TLCD4: variants seen among roughly 807,000 people sequenced by gnomAD.
TLCD4 encodes the protein TLC domain-containing protein 4.
Under a neutral mutation model 24.2 loss-of-function variants are expected in TLCD4, and 7 were observed. That is an observed-to-expected ratio of 0.29 (90% CI 0.16 to 0.54). The LOEUF (loss-of-function observed/expected upper bound fraction) is 0.54. TLCD4 is among the 20% of genes least tolerant of loss of function. The probability of loss-of-function intolerance (pLI) is 0.95; values close to 1 mark genes in which losing one functional copy is unlikely to be tolerated. For synonymous variants in TLCD4, 103 were observed against 106.4 expected, an observed-to-expected ratio of 0.97 and a Z score of 0.20; for missense variants, 259 against 313.9, an observed-to-expected ratio of 0.82 and a Z score of 1.32.
At chr1:95,134,266 C>T (rs1293461898) in intron 1 of TLCD4, among the ~76,000 whole-genome samples, 2 of 152,016 alleles carry the variant, frequency 1.3e-5, no homozygotes, top group Admixed American at 6.6e-5. Flanking sequence ...TGAGCCAGGG[C>T]TAATGTCTTT....
chr1:95,172,678 C>A (rs1271369534), intron 5 of TLCD4, among the ~76,000 whole-genome samples: 2 of 152,064 alleles, frequency 1.3e-5, no homozygotes, highest in South Asian at 2.1e-4. Flanking sequence ...AATTTTGAAT[C>A]CCTAAAATAA....
chr1:95,151,261 T>C (rs1033379201), intron 4 of TLCD4, 64 bp from the exon 5 acceptor site: 2 of 1,540,384 alleles, frequency 1.3e-6, no homozygotes, highest in Non-Finnish European at 8.9e-7. Flanking sequence ...AAGAGTTCAA[T>C]ACATTTGAAA....
At chr1:95,138,923 C>T (rs1352537988) in intron 1 of TLCD4, among the ~76,000 whole-genome samples, 3 of 150,500 alleles carry the variant, frequency 2.0e-5, no homozygotes. Flanking sequence ...CATGGTGGCT[C>T]ATACCTGTAA....
intron 3 of TLCD4, among the ~76,000 whole-genome samples, chr1:95,149,683 G>A (rs17408867): frequency 0.12 from 18,003 of 151,834 alleles, 1,064 homozygotes; most frequent in Middle Eastern, 0.17. Context: ...AAAAATTTTC[G>A]TTTTCATTTT....
Position 95,151,395 on chromosome 1 carries a change from C to G in TLCD4, c.375C>G (p.Ser125=). 1 of 1,613,100 alleles carries G rather than the reference C, an allele frequency of 6.2e-7. No homozygotes were observed. Among genetic ancestry groups the G allele is most frequent in the Non-Finnish European group, 8.5e-7 (1 of 1,179,418 alleles). ...DKFFIMHHCA[S]LYAYYLVLKN... is the part of the protein sequence containing the mutation. ...TTTTTATAATGCATCATTGTGCGTC[C>G]CTGTATGCATACTACCTTGTACTGG... The change falls in exon 5 of 7, where the codon TCC becomes TCG. Residue 125 remains serine (S), a synonymous_variant. Transcript: ENST00000370203.
chr1:95,141,232 G>A (rs967736266), intron 1 of TLCD4, among the ~76,000 whole-genome samples: 1 of 152,138 alleles, frequency 6.6e-6, no homozygotes, highest in Non-Finnish European at 1.5e-5. Flanking sequence ...TTGGGCGAGG[G>A]TGGGATGATA....
In TLCD4 at chr1:95,171,084, C is replaced by T. The variant is rs533052879; in HGVS notation, c.400-2732C>T. Among the ~76,000 whole-genome samples, 209 of 151,860 alleles carry T rather than the reference C, an allele frequency of 1.4e-3. 1 individual carries two copies. Among genetic ancestry groups the T allele is most frequent in the Non-Finnish European group, 2.4e-3 (162 of 67,982 alleles). On this transcript the variant is annotated intron_variant, in intron 5 of 6. Transcript: ENST00000370203. Reference sequence around the variant, plus strand: ...TTTTTTTTAGCCGCAAATGTGATTTCGAATATGTATTAAAATGAATTATTT... The same window carrying T: ...TTTTTTTTAGCCGCAAATGTGATTTTGAATATGTATTAAAATGAATTATTT...
At chr1:95,176,343 C>T (rs1678428842) in intron 6 of TLCD4, among the ~76,000 whole-genome samples, 1 of 151,716 alleles carries the variant, frequency 6.6e-6, no homozygotes, top group African/African-American at 2.4e-5. Flanking sequence ...AGGCATACAC[C>T]ACCATGCCCA....
chr1:95,151,292 A>T (rs576111365), intron 4 of TLCD4, 33 bp from the exon 5 acceptor site: 2 of 1,606,566 alleles, frequency 1.2e-6, no homozygotes, highest in Non-Finnish European at 1.7e-6. Flanking sequence ...CTTTCTTCTT[A>T]TGTAATACCT....
the TLCD4 span, among the ~76,000 whole-genome samples, chr1:95,111,086 A>G: frequency 1.3e-5 from 2 of 151,834 alleles, no homozygotes; most frequent in East Asian, 3.9e-4. Flanking sequence ...GAGGCAAGGT[A>G]TTTGAGACCA....
chr1:95,104,598 G>T, the TLCD4 span, among the ~76,000 whole-genome samples: 1 of 144,896 alleles, frequency 6.9e-6, no homozygotes, highest in Non-Finnish European at 1.5e-5. Context: ...TCCGGGGGGC[G>T]GAGCCTGCAA....
intron 6 of TLCD4, among the ~76,000 whole-genome samples, chr1:95,181,193 AAAAC>A (rs1185658744): frequency 8.0e-6 from 1 of 124,532 alleles, no homozygotes; most frequent in Non-Finnish European, 1.6e-5. Context: ...CTGCATTGCC[AAAAC>A]AAACCAAAAA....
chr1:95,180,073 G>A (rs1678580183), intron 6 of TLCD4, among the ~76,000 whole-genome samples: 1 of 152,028 alleles, frequency 6.6e-6, no homozygotes, highest in Non-Finnish European at 1.5e-5. Flanking sequence ...ACTTTGCATG[G>A]TCCAGTGTCC....
chr1:95,154,327 C>T (rs971130656), intron 5 of TLCD4, among the ~76,000 whole-genome samples: 3 of 152,154 alleles, frequency 2.0e-5, no homozygotes, highest in Non-Finnish European at 2.9e-5. Context: ...AAAGAAGGCA[C>T]GTGGCCCAGT....
chr1:95,098,452 A>G, the TLCD4 span, among the ~76,000 whole-genome samples: 149 of 152,316 alleles, frequency 9.8e-4, no homozygotes, highest in African/African-American at 3.5e-3. Flanking sequence ...CCATAAACGC[A>G]TATTGAGTTC....
At position 95,160,490 on chromosome 1, in the gene TLCD4, C is replaced by T. The variant is rs186713935; in HGVS notation, c.399+9071C>T. 2.0e-4 allele frequency among the ~76,000 whole-genome samples: 30 copies of T among 152,242 alleles called. 1 individual carries two copies. Among genetic ancestry groups the T allele is most frequent in the East Asian group, 7.7e-4 (4 of 5,182 alleles). ...GACTTCTTCTTTTCCTAATTGAATA[C>T]GCTTTATTTCTTTCTCCTGCCTGAT... On this transcript the variant is annotated intron_variant, in intron 5 of 6. Transcript: ENST00000370203.
intron 1 of TLCD4, among the ~76,000 whole-genome samples, chr1:95,122,811 T>G (rs1676606803): frequency 6.6e-6 from 1 of 151,222 alleles, no homozygotes; most frequent in Non-Finnish European, 1.5e-5. Context: ...CAAATTAATT[T>G]TAATTAGTTT....
chr1:95,106,824 CA>C, the TLCD4 span, among the ~76,000 whole-genome samples: 1 of 152,054 alleles, frequency 6.6e-6, no homozygotes, highest in Admixed American at 6.5e-5. Flanking sequence ...TGCTGGAGGA[CA>C]AAAAATGCTT....
At chr1:95,147,598 A>G (rs920344282) in intron 2 of TLCD4, among the ~76,000 whole-genome samples, 3 of 152,210 alleles carry the variant, frequency 2.0e-5, no homozygotes, top group African/African-American at 7.2e-5. Context: ...TAGGTCAAGT[A>G]TATTGGTTTC....
Sources: allele counts gnomAD v4.1 joint callset (sites outside exome capture counted in the v4.1 genomes callset), GRCh38; gene constraint gnomAD v4.1.1; transcripts MANE v1.5; gene names NCBI Gene and HGNC (gene_info 2026-07-23, HGNC 2026-07-21).